Variants in SLC39A11 observed in about 807,000 individuals in gnomAD.
The protein encoded by SLC39A11 is zinc transporter ZIP11.
Under a neutral mutation model 36.1 loss-of-function variants are expected in SLC39A11, and 33 were observed. The observed-to-expected ratio is 0.91, with a 90% CI of 0.69 to 1.22. The LOEUF is 1.22. Among genes scored for constraint, SLC39A11 ranks in the 50% most tolerant of loss-of-function variants. The pLI, the probability that SLC39A11 is intolerant of heterozygous loss-of-function variation, is 0.00. For synonymous variants in SLC39A11, 166 were observed against 170.3 expected, an observed-to-expected ratio of 0.97 and a Z score of 0.20; for missense variants, 432 against 430.3, an observed-to-expected ratio of 1.00 and a Z score of -0.03.
At chr17:72,787,551 C>T (rs1396892723) in intron 6 of SLC39A11, among the ~76,000 whole-genome samples, 4 of 152,142 alleles carry the variant, frequency 2.6e-5, no homozygotes, top group East Asian at 3.9e-4. Flanking sequence ...GCCACCCGCC[C>T]GGCCAACCCA....
intron 7 of SLC39A11, among the ~76,000 whole-genome samples, chr17:72,653,819 T>G (rs1012017897): frequency 4.6e-5 from 7 of 152,166 alleles, no homozygotes; most frequent in African/African-American, 1.7e-4. Context: ...CCTGGGCAGC[T>G]GGGGACAGTT....
chr17:73,037,285 C>T (rs1195498444), intron 3 of SLC39A11, among the ~76,000 whole-genome samples: 1 of 152,158 alleles, frequency 6.6e-6, no homozygotes, highest in Non-Finnish European at 1.5e-5. Flanking sequence ...ATAAGCATCA[C>T]TTTTTAAATA....
intron 7 of SLC39A11, among the ~76,000 whole-genome samples, chr17:72,654,684 C>G (rs1812448463): frequency 6.6e-6 from 1 of 152,194 alleles, no homozygotes; most frequent in Non-Finnish European, 1.5e-5. Flanking sequence ...AGGTTTCTTT[C>G]CAATGAGGAA....
chr17:72,849,590 T>C (rs745351473), intron 6 of SLC39A11, 44 bp downstream of exon 6: 8 of 1,455,444 alleles, frequency 5.5e-6, no homozygotes, highest in Non-Finnish European at 6.4e-6. Context: ...ACAAATGACT[T>C]TACCTTCAGG....
intron 5 of SLC39A11, among the ~76,000 whole-genome samples, chr17:72,913,150 G>A (rs2083123785): frequency 6.6e-6 from 1 of 151,748 alleles, no homozygotes. Flanking sequence ...TTAGATAGGA[G>A]GTAAGAGGGC....
chr17:72,684,482 G>A (rs1252902300), intron 7 of SLC39A11, among the ~76,000 whole-genome samples: 1 of 152,224 alleles, frequency 6.6e-6, no homozygotes, highest in African/African-American at 2.4e-5. Flanking sequence ...GGCGTGCCCT[G>A]CTAGCACCGA....
In SLC39A11 at chr17:72,798,922, T is replaced by A. The variant is rs193064939; in HGVS notation, c.601+50712A>T. ...TTGGGAAGGAAGGCAGGCCCAGATGTAGAGAATTGAGAAGAGAGCTGAAAA... is the reference window on the plus strand; with the variant it reads ...TTGGGAAGGAAGGCAGGCCCAGATGAAGAGAATTGAGAAGAGAGCTGAAAA... On this transcript the variant is annotated intron_variant, in intron 6 of 9. Coordinates refer to ENST00000255559, the MANE Select transcript of SLC39A11 (RefSeq NM_139177.4). 3.7e-3 allele frequency among the ~76,000 whole-genome samples: 560 copies of A among 151,778 alleles called. 11 individuals carry two copies. Among genetic ancestry groups the A allele is most frequent in the African/African-American group, 0.013 (535 of 41,262 alleles).
intron 6 of SLC39A11, among the ~76,000 whole-genome samples, chr17:72,798,477 G>A (rs984444178): frequency 3.4e-5 from 5 of 149,054 alleles, no homozygotes; most frequent in Admixed American, 2.0e-4. Context: ...GCAATGGCAC[G>A]ATCTCAGCTC....
chr17:72,989,393 T>C (rs1293250193), intron 4 of SLC39A11, among the ~76,000 whole-genome samples: 1 of 152,244 alleles, frequency 6.6e-6, no homozygotes. Flanking sequence ...TTCTCTTACA[T>C]TTCTTGGAGC....
intron 4 of SLC39A11, among the ~76,000 whole-genome samples, chr17:72,990,520 C>T (rs1052708503): frequency 1.3e-5 from 2 of 152,118 alleles, no homozygotes; most frequent in African/African-American, 4.8e-5. Flanking sequence ...CAGGTTCAAG[C>T]GATTCTCCTG....
chr17:72,888,049 C>T (rs1303703436), intron 5 of SLC39A11, among the ~76,000 whole-genome samples: 2 of 152,188 alleles, frequency 1.3e-5, no homozygotes, highest in South Asian at 2.1e-4. Flanking sequence ...CAAAAAGAAA[C>T]ACACATTTTT....
At chr17:72,760,105 C>T (rs931434052) in intron 6 of SLC39A11, among the ~76,000 whole-genome samples, 2 of 152,226 alleles carry the variant, frequency 1.3e-5, no homozygotes, top group Non-Finnish European at 2.9e-5. Context: ...CGGCTCACTG[C>T]AACCTTTGCC....
At chr17:72,673,014 T>C (rs534798410) in intron 7 of SLC39A11, among the ~76,000 whole-genome samples, 2 of 152,344 alleles carry the variant, frequency 1.3e-5, no homozygotes, top group South Asian at 4.1e-4. Context: ...AAAAAGACTT[T>C]ATGGCCCACA....
chr17:72,696,274 C>A (rs971433466), intron 7 of SLC39A11, among the ~76,000 whole-genome samples: 20 of 152,060 alleles, frequency 1.3e-4, no homozygotes, highest in Non-Finnish European at 8.8e-5. Context: ...TGGCTCCTTA[C>A]CCCGGCCTCT....
rs184905984 is a variant in SLC39A11 at position 72,691,201 on chromosome 17, C to T, written c.672-41933G>A. On this transcript the variant is annotated intron_variant, in intron 7 of 9. Transcript: ENST00000255559. ...CCGAGGGTGATTCAGAAGTGCAATC[C>T]TCACAGATGACCATGTGCAGGGAGA... Among the ~76,000 whole-genome samples, 307 of 152,292 alleles carry T rather than the reference C, an allele frequency of 2.0e-3. 3 individuals carry two copies. Among genetic ancestry groups the T allele is most frequent in the African/African-American group, 7.1e-3 (297 of 41,548 alleles).
At chr17:73,072,106 C>T (rs1486185832) in intron 3 of SLC39A11, among the ~76,000 whole-genome samples, 1 of 152,198 alleles carries the variant, frequency 6.6e-6, no homozygotes, top group Non-Finnish European at 1.5e-5. Flanking sequence ...TAAACTGAAT[C>T]TCTAGGCCCT....
chr17:72,985,070 CAA>C (rs2088614726), intron 4 of SLC39A11, among the ~76,000 whole-genome samples: 1 of 152,210 alleles, frequency 6.6e-6, no homozygotes, highest in Admixed American at 6.5e-5. Context: ...AGAGGCAGGG[CAA>C]ACACAGTAAG....
chr17:72,931,473 C>A (rs1015754194), intron 5 of SLC39A11, among the ~76,000 whole-genome samples: 1 of 152,148 alleles, frequency 6.6e-6, no homozygotes. Flanking sequence ...AGCTCCCACT[C>A]CCCATCTCCA....
At chr17:72,924,086 G>T (rs1190852268) in intron 5 of SLC39A11, among the ~76,000 whole-genome samples, 1 of 149,394 alleles carries the variant, frequency 6.7e-6, no homozygotes, top group Non-Finnish European at 1.5e-5. Flanking sequence ...TATCAAGGCT[G>T]CAGTGAGCCA....
Sources: allele counts gnomAD v4.1 joint callset (sites outside exome capture counted in the v4.1 genomes callset), GRCh38; gene constraint gnomAD v4.1.1; transcripts MANE v1.5; gene names NCBI Gene and HGNC (gene_info 2026-07-23, HGNC 2026-07-21).